The following SLC27A3 variants were observed in gnomAD, a reference collection of about 807,000 sequenced individuals.
SLC27A3 encodes long-chain fatty acid transport protein 3.
Under a neutral mutation model 60.1 loss-of-function variants are expected in SLC27A3, and 60 were observed. The observed-to-expected ratio is 1.00, with a 90% CI of 0.81 to 1.24. SLC27A3 has a LOEUF of 1.24. Among genes scored for constraint, SLC27A3 ranks in the 50% most tolerant of loss-of-function variants. The pLI, the probability that SLC27A3 is intolerant of heterozygous loss-of-function variation, is 0.00. For missense variants in SLC27A3, 1,079 were observed against 929.9 expected (o/e 1.16, Z -2.09); for synonymous variants, 455 against 409.0 (o/e 1.11, Z -1.36).
In SLC27A3 at chr1:153,777,060, A is replaced by C. The variant is rs1673265247; in HGVS notation, c.878-2A>C. 4 of 1,613,910 alleles carry C rather than the reference A, an allele frequency of 2.5e-6. No individual in the cohort carries two copies. The highest frequency in any genetic ancestry group is 1.3e-5 in the African/African-American group (1 of 74,914). On this transcript the variant is annotated splice_acceptor_variant, in intron 2 of 9. Transcript: ENST00000624995. LOFTEE classifies it high-confidence loss of function. ...GATCGTCCCATAACTGCCACCCCACAGGCCTCCCCAAGGCTGCTCGGATCA... is the reference window on the plus strand; with the variant it reads ...GATCGTCCCATAACTGCCACCCCACCGGCCTCCCCAAGGCTGCTCGGATCA...
rs754637479 is a variant in SLC27A3, at chr1:153,779,348, G to A, written c.1750G>A (p.Glu584Lys). 1.2e-6 allele frequency: 2 copies of A among 1,613,932 alleles called. No homozygotes were observed. Residue 584 changes from glutamate (E) to lysine (K), a missense_variant, in exon 9 of 10, where the codon GAA becomes AAA. Coordinates refer to ENST00000624995, the MANE Select transcript of SLC27A3 (RefSeq NM_024330.4). ...CTGTCTCCCACACCCACCAGGGCAT[G>A]AAGGCAGGGCTGGAATGGCAGCCCT... is the stretch of plus-strand genomic sequence containing the variant. Reference protein sequence around the residue: ...NVYGVTVPGHEGRAGMAALVL... With the variant: ...NVYGVTVPGHKGRAGMAALVL...
chr1:153,778,758 CTGGCCCAGGGG>C lies in SLC27A3; in HGVS notation c.1520_1530del (p.Leu507GlnfsTer24), dbSNP rs1673372673. 1.9e-6 allele frequency: 3 copies of C among 1,613,882 alleles called. No individual in the cohort carries two copies. The African/African-American group carries it at 4.0e-5, about 22-fold the overall frequency. On this transcript the variant is annotated frameshift_variant, in exon 7 of 10. Coordinates refer to ENST00000624995, the MANE Select transcript of SLC27A3 (RefSeq NM_024330.4). LOFTEE classifies it high-confidence loss of function. ...CCTGGGCTATGCTGGCGGGCCAGAG[CTGGCCCAGGGG>C]AAGTTGCTAAAGGATGTCTTCCGGC...
Position 153,777,842 on chromosome 1 carries a change from A to G in SLC27A3, c.1118A>G (p.Gln373Arg). The G allele has an allele frequency of 1.2e-6, 2 of 1,614,210 alleles. No homozygotes were observed. The highest frequency in any genetic ancestry group is 1.1e-5 in the South Asian group (1 of 91,088). The change falls in exon 4 of 10, where the codon CAG becomes CGG. Residue 373 changes from glutamine to arginine, a missense_variant. Transcript: ENST00000624995. ...DCQQHRVTVF[Q>R]YIGELCRYLV... ...CAGCAGCACAGGGTGACGGTGTTCC[A>G]GTACATTGGGGAGCTGTGCCGATAC...
chr1:153,779,231 GGGGGAGGCA>G lies in SLC27A3; in HGVS notation c.1744+21_1744+29del. ...TGCCAGGTGCCTAGGCATGGAAGGT[GGGGGAGGCA>G]CCCAGCCACCACCCCGAATTGGTAG... On this transcript the variant is annotated intron_variant, in intron 8 of 9. Transcript: ENST00000624995. 6.2e-7 allele frequency: 1 copy of G among 1,613,534 alleles called. No individual in the cohort carries two copies. Among genetic ancestry groups the G allele is most frequent in the African/African-American group, 1.3e-5 (1 of 75,026 alleles).
At position 153,778,240 on chromosome 1, in the gene SLC27A3, G is replaced by A. The variant is rs201437608; in HGVS notation, c.1241G>A (p.Arg414Gln). The stretch of plus-strand genomic sequence containing the variant: ...CCAGATACCTGGGAGCGTTTTGTGC[G>A]GCGCTTCGGGCCCCTGCAGGTGCTG... ...LRPDTWERFV[R>Q]RFGPLQVLET... Residue 414 changes from arginine to glutamine, a missense_variant, in exon 5 of 10, where the codon CGG becomes CAG. Arg to Gln is a conservative substitution (Grantham distance 43). Transcript: ENST00000624995. The A allele has an allele frequency of 1.3e-4, 202 of 1,613,932 alleles. 3 individuals are homozygous for A. The highest frequency in any genetic ancestry group is 1.2e-3 in the Admixed American group (72 of 60,030).
rs375989880 is a variant in SLC27A3 at position 153,779,336 on chromosome 1, C to A, written c.1745-7C>A. The A allele has an allele frequency of 1.2e-5, 20 of 1,613,736 alleles. No homozygotes were observed. Among genetic ancestry groups the A allele is most frequent in the Non-Finnish European group, 1.6e-5 (19 of 1,179,872 alleles). On this transcript the variant is annotated splice_region_variant and splice_polypyrimidine_tract_variant and intron_variant, in intron 8 of 9. Transcript: ENST00000624995. ...GAGGGGCTTACTCTGTCTCCCACAC[C>A]CACCAGGGCATGAAGGCAGGGCTGG...
In SLC27A3 at chr1:153,775,656, G is replaced by T; in HGVS notation, c.159G>T (p.Ala53=). The change falls in exon 1 of 10, where the codon GCG becomes GCT. Residue 53 remains alanine, a synonymous_variant. Coordinates refer to ENST00000624995, the MANE Select transcript of SLC27A3 (RefSeq NM_024330.4). ...KRALRARALA[A]AAADPEGPEG... Reference sequence around the variant, plus strand: ...CTCTTCGAGCTCGCGCCCTGGCCGCGGCTGCCGCCGACCCGGAAGGTCCCG... The same window carrying T: ...CTCTTCGAGCTCGCGCCCTGGCCGCTGCTGCCGCCGACCCGGAAGGTCCCG... The T allele has an allele frequency of 6.5e-7, 1 of 1,530,198 alleles. No individual in the cohort carries two copies. Among genetic ancestry groups the T allele is most frequent in the East Asian group, 2.4e-5 (1 of 42,470 alleles). 94.8% of individuals were successfully genotyped at this position (1,530,198 alleles called of 1,614,324 possible).
Position 153,775,901 on chromosome 1 carries a change from C to T in SLC27A3, c.404C>T (p.Pro135Leu), listed in dbSNP as rs1570896595. 1 of 1,474,898 alleles carries T rather than the reference C, an allele frequency of 6.8e-7. No homozygotes were observed. The highest frequency in any genetic ancestry group is 8.9e-7 in the Non-Finnish European group (1 of 1,119,692). 91.4% of individuals were successfully genotyped at this position (1,474,898 alleles called of 1,614,324 possible). The change falls in exon 1 of 10, where the codon CCG becomes CTG. Residue 135 changes from proline (P) to leucine (L), a missense_variant. Pro to Leu is a moderately conservative substitution (Grantham distance 98). Coordinates refer to ENST00000624995, the MANE Select transcript of SLC27A3 (RefSeq NM_024330.4). ...GCTGGAGAAGGCGAGCGGGCAGCGC[C>T]GGGAGCCGGAGATGCAGCGGCCGGA... Reference protein sequence around the residue: ...GSAGEGERAAPGAGDAAAGSG... With the variant: ...GSAGEGERAALGAGDAAAGSG...
Position 153,778,836 on chromosome 1 carries a change from G to A in SLC27A3, c.1597G>A (p.Asp533Asn), listed in dbSNP as rs141752584. The A allele has an allele frequency of 1.0e-4, 165 of 1,614,202 alleles. No homozygotes were observed. Among genetic ancestry groups the A allele is most frequent in the Middle Eastern group, 4.9e-4 (3 of 6,062 alleles). Residue 533 changes from aspartate (D) to asparagine (N), a missense_variant, in exon 7 of 10, where the codon GAT becomes AAT. Physicochemically the swap from Asp to Asn is conservative, Grantham distance 23. Coordinates refer to ENST00000624995, the MANE Select transcript of SLC27A3 (RefSeq NM_024330.4). ...CAACACTGGGGACCTGCTGGTCTGC[G>A]ATGACCAAGGTTTTCTCCGCTTCCA... ...FFNTGDLLVC[D>N]DQGFLRFHDR...
rs371213851 is a variant in SLC27A3 at position 153,778,568 on chromosome 1, G to C, written c.1447+15G>C. 12 of 1,613,208 alleles carry C rather than the reference G, an allele frequency of 7.4e-6. No individual in the cohort carries two copies. The African/African-American group carries it at 1.6e-4, about 22-fold the overall frequency. ...CACATCTCCAGGTTGGTGGTGTTCT[G>C]GTGGGGTGGGCGGGGTGCTGAAGCT... On this transcript the variant is annotated intron_variant, in intron 6 of 9. Coordinates refer to ENST00000624995, the MANE Select transcript of SLC27A3 (RefSeq NM_024330.4).
chr1:153,777,585 CAG>C (rs1222356954), intron 3 of SLC27A3, 174 bp from the exon 4 acceptor site: 22 of 794,504 alleles, frequency 2.8e-5, no homozygotes, highest in South Asian at 1.5e-4. Context: ...AGGCTGGGGA[CAG>C]GGGCCGGGGG....
At chr1:153,777,510 A>T in intron 3 of SLC27A3, 1 of 605,146 alleles carries the variant, frequency 1.7e-6, no homozygotes, top group Non-Finnish European at 2.9e-6. Flanking sequence ...GAGACAAGGA[A>T]GTGAGAGTGT....
chr1:153,776,807 A>G (rs923366229), intron 2 of SLC27A3, 80 bp downstream of exon 2: 135 of 1,370,874 alleles, frequency 9.8e-5, no homozygotes, highest in Non-Finnish European at 1.4e-4. Flanking sequence ...CACTCCTTCA[A>G]AGCCCCCAGA....
chr1:153,778,535 T>C lies in SLC27A3; in HGVS notation c.1429T>C (p.Cys477Arg), dbSNP rs950326837. 4 of 1,614,094 alleles carry C rather than the reference T, an allele frequency of 2.5e-6. No individual in the cohort carries two copies. In the Admixed American group the frequency reaches 5.0e-5, roughly 20 times the overall value. The change falls in exon 6 of 10, where the codon TGT becomes CGT. Residue 477 changes from cysteine (C) to arginine (R), a missense_variant. Cys to Arg is a radical substitution (Grantham distance 180, BLOSUM62 -3). Transcript: ENST00000624995. ...GCCAATTCGGGACCCCCAGGGGCACTGTATGGCCACATCTCCAGGTTGGTG... is the reference window on the plus strand; with the variant it reads ...GCCAATTCGGGACCCCCAGGGGCACCGTATGGCCACATCTCCAGGTTGGTG... ...GEPIRDPQGH[C>R]MATSPGEPGL...
Position 153,776,723 on chromosome 1 carries a change from C to T in SLC27A3, c.873C>T (p.Thr291=). 2 of 1,614,030 alleles carry T rather than the reference C, an allele frequency of 1.2e-6. No homozygotes were observed. The highest frequency in any genetic ancestry group is 1.7e-6 in the Non-Finnish European group (2 of 1,179,944). ...GCCTGTACATCTTCACCTCTGGCAC[C>T]ACGGGTGAGGGCCGGGCACCATACT... ...DTCLYIFTSG[T]TGLPKAARIS... Residue 291 remains threonine (T), a synonymous_variant, in exon 2 of 10, where the codon ACC becomes ACT. Coordinates refer to ENST00000624995, the MANE Select transcript of SLC27A3 (RefSeq NM_024330.4).
chr1:153,775,732 G>C lies in SLC27A3; in HGVS notation c.235G>C (p.Ala79Pro), dbSNP rs199648278. The C allele has an allele frequency of 6.6e-7, 1 of 1,518,684 alleles. No individual in the cohort carries two copies. The highest frequency in any genetic ancestry group is 8.8e-7 in the Non-Finnish European group (1 of 1,137,788). The allele number at this position is 1,518,684 out of a possible 1,614,324, so 94.1% of individuals were successfully genotyped here. Reference sequence around the variant, plus strand: ...CCTCGCGGAACTGGCCCAGCAGCGCGCCGCGCACACCTTTCTCATTCACGG... The same window carrying C: ...CCTCGCGGAACTGGCCCAGCAGCGCCCCGCGCACACCTTTCTCATTCACGG... ...WRLAELAQQR[A>P]AHTFLIHGSR... Residue 79 changes from alanine (A) to proline (P), a missense_variant, in exon 1 of 10, where the codon GCC (alanine) becomes CCC (proline). Transcript: ENST00000624995.
intron 4 of SLC27A3, 66 bp from the exon 5 acceptor site, chr1:153,778,089 GGGAACA>G (rs1488323137): frequency 1.5e-5 from 23 of 1,537,336 alleles, no homozygotes; most frequent in Non-Finnish European, 1.8e-5. Context: ...CTGGGGAATG[GGGAACA>G]GGAATTCACT....
chr1:153,778,865 T>C lies in SLC27A3; in HGVS notation c.1626T>C (p.Asp542=), dbSNP rs139277937. The C allele has an allele frequency of 1.6e-3, 2,522 of 1,614,184 alleles. 37 individuals are homozygous for C. In the South Asian group the frequency reaches 0.016, roughly 10 times the overall value. Residue 542 remains aspartate, a synonymous_variant, in exon 7 of 10, where the codon GAT becomes GAC. Transcript: ENST00000624995. The stretch of plus-strand genomic sequence containing the variant: ...ACCAAGGTTTTCTCCGCTTCCATGA[T>C]CGTACTGGAGACACCTTCAGGTATC... The part of the protein sequence containing the change: ...CDDQGFLRFH[D]RTGDTFRWKG...
chr1:153,777,815 G>C lies in SLC27A3; in HGVS notation c.1091G>C (p.Cys364Ser), dbSNP rs1206179823. ...TCGGCTGGTCAGTTCTGGGAAGATT[G>C]CCAGCAGCACAGGGTGACGGTGTTC... ...KFSAGQFWED[C>S]QQHRVTVFQY... The change falls in exon 4 of 10, where the codon TGC becomes TCC. Residue 364 changes from cysteine to serine, a missense_variant. Transcript: ENST00000624995. 6.2e-7 allele frequency: 1 copy of C among 1,614,134 alleles called. No homozygotes were observed. Among genetic ancestry groups the C allele is most frequent in the African/African-American group, 1.3e-5 (1 of 74,946 alleles).
Sources: gnomAD v4.1 joint callset for allele counts on GRCh38, gnomAD v4.1.1 for gene constraint, MANE v1.5 for transcripts, NCBI Gene and HGNC (gene_info 2026-07-23, HGNC 2026-07-21) for gene names.